MUSK: variants seen among roughly 807,000 people sequenced by gnomAD.
MUSK encodes muscle associated receptor tyrosine kinase, also known as muscle, skeletal receptor tyrosine-protein kinase.
In MUSK, 55 loss-of-function variants were observed where a neutral mutation model predicts 88.7. That is an observed-to-expected ratio of 0.62 (90% CI 0.50 to 0.78). The LOEUF (loss-of-function observed/expected upper bound fraction) is 0.78. MUSK is among the 30% of genes least tolerant of loss of function. MUSK has a pLI of 0.00. For synonymous variants in MUSK, 387 were observed against 391.9 expected (o/e 0.99, Z 0.15); for missense variants, 1,015 against 1,074.3 (o/e 0.94, Z 0.77).
At chr9:110,771,761 C>T (rs2077578103) in intron 9 of MUSK, among the ~76,000 whole-genome samples, 1 of 152,116 alleles carries the variant, frequency 6.6e-6, no homozygotes. Flanking sequence ...AGATGACAGA[C>T]TCATCAGCCA....
At chr9:110,746,311 A>T (rs939888265) in intron 6 of MUSK, among the ~76,000 whole-genome samples, 1 of 150,792 alleles carries the variant, frequency 6.6e-6, no homozygotes, top group African/African-American at 2.4e-5. Context: ...ACCACCATTT[A>T]AAAAAAATGC....
At chr9:110,757,521 A>G (rs1396880130) in intron 7 of MUSK, among the ~76,000 whole-genome samples, 1 of 151,550 alleles carries the variant, frequency 6.6e-6, no homozygotes, top group Non-Finnish European at 1.5e-5. Flanking sequence ...CTGAGTATTT[A>G]TGACTAATTT....
At chr9:110,674,326 A>G (rs1447317264) in intron 1 of MUSK, among the ~76,000 whole-genome samples, 2 of 152,200 alleles carry the variant, frequency 1.3e-5, no homozygotes, top group East Asian at 1.9e-4. Context: ...AAGTATTAAT[A>G]CTTTGTTTTT....
intron 3 of MUSK, among the ~76,000 whole-genome samples, chr9:110,693,928 G>A (rs988067178): frequency 6.6e-5 from 10 of 152,098 alleles, no homozygotes; most frequent in Non-Finnish European, 2.9e-5. Context: ...GGCCAGTACT[G>A]TATTTACATG....
intron 1 of MUSK, among the ~76,000 whole-genome samples, chr9:110,672,995 C>T: frequency 6.6e-6 from 1 of 152,138 alleles, no homozygotes; most frequent in East Asian, 1.9e-4. Context: ...AGAAATAGTG[C>T]CCTAGTTTAA....
At chr9:110,729,264 T>C (rs1424590877) in intron 5 of MUSK, among the ~76,000 whole-genome samples, 1 of 86,088 alleles carries the variant, frequency 1.2e-5, no homozygotes, top group East Asian at 2.1e-4. Flanking sequence ...GGAAATTAAA[T>C]TTGTATGGGA....
At chr9:110,716,827 G>A (rs1167825457) in intron 5 of MUSK, among the ~76,000 whole-genome samples, 1 of 149,932 alleles carries the variant, frequency 6.7e-6, no homozygotes, top group Non-Finnish European at 1.5e-5. Flanking sequence ...ATTAATTATT[G>A]TTGTAATTCC....
chr9:110,697,570 T>TG, intron 5 of MUSK, 104 bp downstream of exon 5: 1 of 1,193,184 alleles, frequency 8.4e-7, no homozygotes, highest in South Asian at 2.4e-5. Context: ...GGCAGCCCAC[T>TG]TCCCTCAGTT....
intron 11 of MUSK, among the ~76,000 whole-genome samples, chr9:110,783,316 T>C (rs2077793972): frequency 6.6e-6 from 1 of 152,086 alleles, no homozygotes; most frequent in East Asian, 1.9e-4. Context: ...AAGAATTTTC[T>C]CTTACTGGAA....
intron 5 of MUSK, among the ~76,000 whole-genome samples, chr9:110,714,138 GA>G (rs201129455): frequency 0.013 from 2,052 of 152,238 alleles, 25 homozygotes; most frequent in Non-Finnish European, 0.016. Flanking sequence ...AATCAGGAAT[GA>G]AGTCACATAT....
chr9:110,669,077 G>C, intron 1 of MUSK, 94 bp downstream of exon 1: 2 of 1,153,056 alleles, frequency 1.7e-6, no homozygotes, highest in South Asian at 2.5e-5. Flanking sequence ...TAGTATGGTG[G>C]GCTTGGGTTT....
At chr9:110,776,089 C>A (rs991815236) in intron 10 of MUSK, 126 bp downstream of exon 10, 9 of 925,676 alleles carry the variant, frequency 9.7e-6, no homozygotes, top group African/African-American at 1.7e-5. Flanking sequence ...TGAGTTCTGC[C>A]TTCCTTAGAT....
intron 1 of MUSK, among the ~76,000 whole-genome samples, chr9:110,670,067 A>T (rs1397179064): frequency 7.0e-6 from 1 of 142,740 alleles, no homozygotes; most frequent in Non-Finnish European, 1.5e-5. Context: ...TGCAAATAAG[A>T]TGCGGGTTTC....
At chr9:110,687,375 C>T in intron 3 of MUSK, 107 bp downstream of exon 3, 3 of 1,351,254 alleles carry the variant, frequency 2.2e-6, no homozygotes, top group Non-Finnish European at 3.1e-6. Flanking sequence ...CACTCTGTTG[C>T]TCAGGCTGGA....
At chr9:110,672,919 G>A (rs775428613) in intron 1 of MUSK, among the ~76,000 whole-genome samples, 19 of 152,030 alleles carry the variant, frequency 1.2e-4, no homozygotes, top group Non-Finnish European at 2.5e-4. Context: ...GCTTTTCTTC[G>A]GGTCCAGAAA....
At chr9:110,686,140 T>A (rs918339298) in intron 2 of MUSK, among the ~76,000 whole-genome samples, 2 of 152,076 alleles carry the variant, frequency 1.3e-5, no homozygotes, top group African/African-American at 4.8e-5. Context: ...AGAATCTGAT[T>A]TCTTGCCTTT....
At position 110,695,407 on chromosome 9, in the gene MUSK, TA is replaced by T; in HGVS notation, c.367del (p.Ile123Ter). Reference sequence around the variant, plus strand: ...TGAATTTTCATTTCTTTTTAGAACCTAAAATAACTCGTCCTCCCATAAATGT... The same window carrying T: ...TGAATTTTCATTTCTTTTTAGAACCTAAATAACTCGTCCTCCCATAAATGT... ...CGALQVKMKP[K>X]ITRPPINVKI... On this transcript the variant is annotated frameshift_variant, in exon 4 of 15. Coordinates refer to ENST00000374448, the MANE Select transcript of MUSK (RefSeq NM_005592.4). LOFTEE classifies it high-confidence loss of function. 1 of 1,504,302 alleles carries T rather than the reference TA, an allele frequency of 6.6e-7. No individual in the cohort carries two copies. The highest frequency in any genetic ancestry group is 2.1e-5 in the Admixed American group (1 of 47,336). The allele number at this position is 1,504,302 out of a possible 1,614,324, so 93.2% of individuals were successfully genotyped here. A position where few individuals can be genotyped will look rare whatever the true frequency, so the allele number is the denominator to read the frequency against.
intron 8 of MUSK, among the ~76,000 whole-genome samples, chr9:110,766,808 C>T (rs943280011): frequency 8.5e-5 from 13 of 152,160 alleles, no homozygotes; most frequent in African/African-American, 3.1e-4. Flanking sequence ...TAAGTCATTA[C>T]TAACACTATG....
chr9:110,713,239 T>C lies in MUSK; in HGVS notation c.628+15773T>C, dbSNP rs118156986. 1.3e-3 allele frequency among the ~76,000 whole-genome samples: 200 copies of C among 151,268 alleles called. 2 individuals carry two copies. The East Asian group carries it at 0.035, about 27-fold the overall frequency. On this transcript the variant is annotated intron_variant, in intron 5 of 14. Coordinates refer to ENST00000374448, the MANE Select transcript of MUSK (RefSeq NM_005592.4). ...GCTAACATGGAGATCATCTTCTTGG[T>C]ATCTTCTCTTGGACCTTTTTTTCTT...
Sources: allele counts gnomAD v4.1 joint callset (sites outside exome capture counted in the v4.1 genomes callset), GRCh38; gene constraint gnomAD v4.1.1; transcripts MANE v1.5; gene names NCBI Gene and HGNC (gene_info 2026-07-23, HGNC 2026-07-21).